The following BAG3 variants were observed in gnomAD, a reference collection of about 807,000 sequenced individuals.
BAG3 encodes the protein BAG family molecular chaperone regulator 3.
Under a neutral mutation model 40.5 loss-of-function variants are expected in BAG3, and 14 were observed. The ratio of observed to expected loss-of-function variants is 0.35; its 90% CI spans 0.23 to 0.54. The LOEUF (loss-of-function observed/expected upper bound fraction) is 0.54, where lower values mean the gene tolerates loss of function less well. BAG3 is among the 20% of genes least tolerant of loss of function. BAG3 has a pLI of 0.91. For missense variants in BAG3, 788 were observed against 758.6 expected, an observed-to-expected ratio of 1.04 and a Z score of -0.46; for synonymous variants, 302 against 307.8, an observed-to-expected ratio of 0.98 and a Z score of 0.20.
chr10:119,659,728 G>C (rs1054329568), intron 1 of BAG3, among the ~76,000 whole-genome samples: 1 of 152,228 alleles, frequency 6.6e-6, no homozygotes, highest in African/African-American at 2.4e-5. Flanking sequence ...ACAGGCACTT[G>C]TAGGGTCGTG....
rs1426366988 is a variant in BAG3, at chr10:119,672,250, T to TG, written c.508-4dup. On this transcript the variant is annotated splice_polypyrimidine_tract_variant and splice_region_variant and intron_variant, in intron 2 of 3. Coordinates refer to ENST00000369085, the MANE Select transcript of BAG3 (RefSeq NM_004281.4). The surrounding 1 kb of genome is among the most constrained non-coding windows in gnomAD (Gnocchi z 4.8). ...GTCATGCCCTCTACCCTGTGTCTCT[T>TG]GCAGCGGTCCCAGTCTCCAGCTGCC... is the stretch of plus-strand genomic sequence containing the variant. The TG allele has an allele frequency of 2.5e-5, 41 of 1,612,494 alleles. No individual in the cohort carries two copies. The highest frequency in any genetic ancestry group is 3.3e-5 in the Non-Finnish European group (39 of 1,180,004).
In BAG3 at chr10:119,651,651, C is replaced by T; in HGVS notation, c.-25C>T. 1.3e-6 allele frequency: 2 copies of T among 1,523,524 alleles called. No individual in the cohort carries two copies. The highest frequency in any genetic ancestry group is 1.2e-5 in the South Asian group (1 of 81,636). The allele number at this position is 1,523,524 out of a possible 1,614,324, so 94.4% of individuals were successfully genotyped here. On this transcript the variant is annotated 5_prime_UTR_variant, in exon 1 of 4. Coordinates refer to ENST00000369085, the MANE Select transcript of BAG3 (RefSeq NM_004281.4). ...CGGAGCCAGCGCCCCGCACCCGCGCCCCAGCGGGCAGACCCCAACCCAGCA... is the reference window on the plus strand; with the variant it reads ...CGGAGCCAGCGCCCCGCACCCGCGCTCCAGCGGGCAGACCCCAACCCAGCA...
At chr10:119,674,988 CAAA>C in intron 3 of BAG3, among the ~76,000 whole-genome samples, 1 of 75,432 alleles carries the variant, frequency 1.3e-5, no homozygotes, top group African/African-American at 4.9e-5. Flanking sequence ...AAAACAAAAA[CAAA>C]AACAAAAAGC....
chr10:119,657,612 G>A (rs1473151604), intron 1 of BAG3: 5 of 470,912 alleles, frequency 1.1e-5, no homozygotes, highest in Admixed American at 7.0e-5. Flanking sequence ...GAACTGCAGA[G>A]TTGTCCTGGG....
At position 119,672,675 on chromosome 10, in the gene BAG3, C is replaced by T. The variant is rs1425903832; in HGVS notation, c.909+19C>T. The T allele has an allele frequency of 6.2e-7, 1 of 1,610,154 alleles. No individual in the cohort carries two copies. Among genetic ancestry groups the T allele is most frequent in the South Asian group, 1.1e-5 (1 of 91,068 alleles). On this transcript the variant is annotated intron_variant, in intron 3 of 3. Transcript: ENST00000369085. This position sits in a 1 kb window ranked among gnomAD's most constrained non-coding sequence, Gnocchi z 4.8. ...GCCTCAGGTACGGGAAGTTAGTCGT[C>T]AGCAGACTGGTTATGGTGGTATGTC...
At chr10:119,653,575 A>G (rs1846871640) in intron 1 of BAG3, among the ~76,000 whole-genome samples, 1 of 152,252 alleles carries the variant, frequency 6.6e-6, no homozygotes, top group Non-Finnish European at 1.5e-5. Flanking sequence ...ATTAAAAGAA[A>G]AAAAGCAGGT....
intron 1 of BAG3, chr10:119,657,318 C>G (rs1846926897): frequency 3.0e-6 from 1 of 331,890 alleles, no homozygotes; most frequent in African/African-American, 2.2e-5. Flanking sequence ...CAGGCTGTCT[C>G]TCTTCTGGAA....
intron 2 of BAG3, 132 bp downstream of exon 2, chr10:119,670,309 A>G: frequency 1.0e-6 from 1 of 974,752 alleles, no homozygotes; most frequent in Non-Finnish European, 1.5e-6. Flanking sequence ...TCTAGCCTGC[A>G]GCATCAGAGG....
Position 119,670,191 on chromosome 10 carries a change from A to C in BAG3, c.507+14A>C. ...CACGGACCTGAGGTAAGGAGAGGCC[A>C]GGCTCACCAGCCTGCTGGGGAGCAA... On this transcript the variant is annotated intron_variant, in intron 2 of 3. Coordinates refer to ENST00000369085, the MANE Select transcript of BAG3 (RefSeq NM_004281.4). 1.3e-6 allele frequency: 2 copies of C among 1,595,930 alleles called. No homozygotes were observed. The highest frequency in any genetic ancestry group is 1.7e-6 in the Non-Finnish European group (2 of 1,175,156).
intron 1 of BAG3, 94 bp downstream of exon 1, chr10:119,651,949 G>T: frequency 8.9e-7 from 1 of 1,126,338 alleles, no homozygotes; most frequent in Non-Finnish European, 1.1e-6. Context: ...GAGGCGGCGG[G>T]GCCCGGGGGT....
At chr10:119,671,940 C>T (rs763019425) in intron 2 of BAG3, among the ~76,000 whole-genome samples, 30 of 152,234 alleles carry the variant, frequency 2.0e-4, no homozygotes, top group African/African-American at 6.5e-4. Context: ...AGGCATGCGC[C>T]GCCACACCCA....
At chr10:119,655,993 C>T (rs1339888735) in intron 1 of BAG3, among the ~76,000 whole-genome samples, 2 of 152,130 alleles carry the variant, frequency 1.3e-5, no homozygotes, top group African/African-American at 2.4e-5. Flanking sequence ...TTGCTTAGTG[C>T]TGTCCTCGTT....
intron 1 of BAG3, chr10:119,657,600 A>G (rs1846930585): frequency 2.1e-6 from 1 of 471,048 alleles, no homozygotes; most frequent in Non-Finnish European, 4.4e-6. Context: ...ATTGGTTCCT[A>G]AGAACTGCAG....
At chr10:119,665,535 T>TCCC (rs369208289) in intron 1 of BAG3, among the ~76,000 whole-genome samples, 25 of 152,222 alleles carry the variant, frequency 1.6e-4, no homozygotes, top group African/African-American at 6.0e-4. Flanking sequence ...CGCCTCGGCC[T>TCCC]CCCAAAGTGC....
intron 1 of BAG3, among the ~76,000 whole-genome samples, chr10:119,663,423 T>C (rs1336303128): frequency 1.3e-5 from 2 of 152,168 alleles, no homozygotes; most frequent in Non-Finnish European, 2.9e-5. Context: ...CATCATCAAC[T>C]TCCTAAGCAG....
At chr10:119,675,823 T>TCCTG (rs1448014283) in intron 3 of BAG3, among the ~76,000 whole-genome samples, 1 of 36,980 alleles carries the variant, frequency 2.7e-5, no homozygotes, top group Admixed American at 3.6e-4. Context: ...CCTGCTTCCT[T>TCCTG]CCCCCTTCCC....
chr10:119,676,415 G>C, intron 3 of BAG3, 49 bp from the exon 4 acceptor site: 1 of 1,591,640 alleles, frequency 6.3e-7, no homozygotes, highest in East Asian at 2.2e-5. Flanking sequence ...AACAATTTCT[G>C]TGACTTTCAG....
At chr10:119,665,094 G>C (rs1430933241) in intron 1 of BAG3, among the ~76,000 whole-genome samples, 26 of 36,344 alleles carry the variant, frequency 7.2e-4, no homozygotes, top group Non-Finnish European at 1.4e-3. Context: ...ATTTTTGTTT[G>C]TGTGTGTGTG....
intron 3 of BAG3, among the ~76,000 whole-genome samples, chr10:119,675,611 A>G (rs567559449): frequency 1.3e-5 from 2 of 152,288 alleles, no homozygotes; most frequent in East Asian, 3.9e-4. Context: ...CCGTGAGCAG[A>G]CTGTCTGCAC....
Sources: gnomAD v4.1 joint callset for allele counts (sites outside exome capture counted in the v4.1 genomes callset) on GRCh38, gnomAD v4.1.1 for gene constraint, Gnocchi (gnomAD v3.1) non-coding constraint, MANE v1.5 for transcripts, NCBI Gene and HGNC (gene_info 2026-07-23, HGNC 2026-07-21) for gene names.